The following RIMS3 variants were observed in gnomAD, a reference collection of about 807,000 sequenced individuals.
The protein encoded by RIMS3 is regulating synaptic membrane exocytosis protein 3.
In RIMS3, 15 loss-of-function variants were observed where a neutral mutation model predicts 29.2. The ratio of observed to expected loss-of-function variants is 0.51; its 90% CI spans 0.34 to 0.79. RIMS3 has a LOEUF of 0.79. Among genes scored for constraint, RIMS3 ranks in the 30% least tolerant of loss-of-function variants. RIMS3 has a pLI of 0.01. For missense variants in RIMS3, 342 were observed against 421.4 expected (o/e 0.81, Z 1.65); for synonymous variants, 161 against 170.1 (o/e 0.95, Z 0.41).
At chr1:40,685,312 ATATAATTAT>A in the RIMS3 span, among the ~76,000 whole-genome samples, 1 of 17,852 alleles carries the variant, frequency 5.6e-5, no homozygotes, top group African/African-American at 3.4e-4. Flanking sequence ...ATATTAATAT[ATATAATTAT>A]TAATATATAA....
In RIMS3 at chr1:40,636,557, T is replaced by C. The variant is rs1260437425; in HGVS notation, c.218-500A>G. Among the ~76,000 whole-genome samples, 3 of 152,250 alleles carry C rather than the reference T, an allele frequency of 2.0e-5. No individual in the cohort carries two copies. In the East Asian group the frequency reaches 5.8e-4, roughly 29 times the overall value. On this transcript the variant is annotated intron_variant, in intron 3 of 7. Transcript: ENST00000372684. The surrounding 1 kb of genome is among the most constrained non-coding windows in gnomAD (Gnocchi z 4.2). The stretch of plus-strand genomic sequence containing the variant: ...ACCTCTGATACCTCTGGAGGCTCTA[T>C]AGGAAAGCCCCCATGGGAAGCCTGG...
intron 1 of RIMS3, among the ~76,000 whole-genome samples, chr1:40,663,739 CAGTG>C (rs1642385477): frequency 6.6e-6 from 1 of 152,190 alleles, no homozygotes; most frequent in Admixed American, 6.5e-5. Context: ...ATAGTTAAGA[CAGTG>C]ACACAGACCA....
At chr1:40,685,351 TA>T in the RIMS3 span, among the ~76,000 whole-genome samples, 5 of 43,298 alleles carry the variant, frequency 1.2e-4, no homozygotes, top group South Asian at 8.2e-4. Context: ...ATTATATATA[TA>T]TTATATAATA....
chr1:40,667,388 G>T (rs1035118085), upstream of RIMS3, among the ~76,000 whole-genome samples: 2 of 152,154 alleles, frequency 1.3e-5, no homozygotes, highest in East Asian at 1.9e-4. Context: ...CCTGGAACGA[G>T]GGTGGAGGTG....
At position 40,626,461 on chromosome 1, in the gene RIMS3, A is replaced by G. The variant is rs1053912770; in HGVS notation, c.*56T>C. 2.8e-6 allele frequency: 4 copies of G among 1,451,274 alleles called. No individual in the cohort carries two copies. The highest frequency in any genetic ancestry group is 3.8e-6 in the Non-Finnish European group (4 of 1,055,194). The allele number at this position is 1,451,274 out of a possible 1,614,324, so 89.9% of individuals were successfully genotyped here. ...ACGAAGACTATGTACAGGGGAGGAC[A>G]TGGGGCCAGCAGGCACCCCTCCCCA... On this transcript the variant is annotated 3_prime_UTR_variant, in exon 8 of 8. Transcript: ENST00000372684.
At chr1:40,633,905 G>A (rs1436098065) in intron 4 of RIMS3, among the ~76,000 whole-genome samples, 1 of 152,206 alleles carries the variant, frequency 6.6e-6, no homozygotes, top group Non-Finnish European at 1.5e-5. Flanking sequence ...TGCCTTGCCT[G>A]CAAAACAAAA....
At chr1:40,678,406 TCAAA>T in the RIMS3 span, among the ~76,000 whole-genome samples, 4 of 152,154 alleles carry the variant, frequency 2.6e-5, no homozygotes, top group African/African-American at 4.8e-5. Context: ...AGACTCCATC[TCAAA>T]CAAACAAACA....
Position 40,654,010 on chromosome 1 carries a change from C to T in RIMS3, c.-206-6168G>A, listed in dbSNP as rs1396939217. ...GGCTCATCCTGAGAGGCAGGGGCCC[C>T]AACAAAGGGTGTTGGTGGATGGGAC... On this transcript the variant is annotated intron_variant, in intron 1 of 7. Transcript: ENST00000372684. This position sits in a 1 kb window ranked among gnomAD's most constrained non-coding sequence, Gnocchi z 5.3. Among the ~76,000 whole-genome samples the T allele has an allele frequency of 2.0e-5, 3 of 152,092 alleles. No homozygotes were observed. In the East Asian group the frequency reaches 5.8e-4, roughly 29 times the overall value.
At chr1:40,643,922 G>A (rs770304399) in intron 2 of RIMS3, among the ~76,000 whole-genome samples, 9 of 152,158 alleles carry the variant, frequency 5.9e-5, no homozygotes, top group Non-Finnish European at 1.2e-4. Context: ...CAGAGGGCTG[G>A]TTTTGTCCAG....
chr1:40,676,568 C>T, the RIMS3 span, among the ~76,000 whole-genome samples: 2 of 152,146 alleles, frequency 1.3e-5, no homozygotes, highest in Non-Finnish European at 2.9e-5. Flanking sequence ...GAATGCCCTA[C>T]GTACCCCCTT....
the RIMS3 span, among the ~76,000 whole-genome samples, chr1:40,678,755 T>C: frequency 6.6e-6 from 1 of 152,326 alleles, no homozygotes; most frequent in African/African-American, 2.4e-5. Context: ...GCAGCTCTTA[T>C]GGTACCACCC....
At chr1:40,655,229 A>C (rs1046797402) in intron 1 of RIMS3, among the ~76,000 whole-genome samples, 1 of 152,188 alleles carries the variant, frequency 6.6e-6, no homozygotes, top group East Asian at 1.9e-4. Context: ...GCTCTGGGAC[A>C]TGAAGCCCCA....
At chr1:40,647,168 C>T (rs1265335130) in intron 2 of RIMS3, among the ~76,000 whole-genome samples, 2 of 152,100 alleles carry the variant, frequency 1.3e-5, no homozygotes, top group African/African-American at 2.4e-5. Flanking sequence ...TGTGAGCTAC[C>T]GCGCCCGGCC....
At chr1:40,631,545 G>A (rs751903438) in intron 5 of RIMS3, among the ~76,000 whole-genome samples, 10 of 152,078 alleles carry the variant, frequency 6.6e-5, no homozygotes, top group South Asian at 2.1e-4. Context: ...CATGTGTGGC[G>A]GTGTGCGCCT....
rs538363832 is a variant in RIMS3 at position 40,635,230 on chromosome 1, A to G, written c.359+686T>C. On this transcript the variant is annotated intron_variant, in intron 4 of 7. Transcript: ENST00000372684. The surrounding 1 kb of genome is among the most constrained non-coding windows in gnomAD (Gnocchi z 4.1). ...TACAACTATAATTTCATAGACTTAG[A>G]AGAGATCTGTGGGAATATCTAAACC... Among the ~76,000 whole-genome samples, 1 of 152,232 alleles carries G rather than the reference A, an allele frequency of 6.6e-6. No homozygotes were observed. Among genetic ancestry groups the G allele is most frequent in the Non-Finnish European group, 1.5e-5 (1 of 68,038 alleles).
At chr1:40,674,108 T>G in the RIMS3 span, among the ~76,000 whole-genome samples, 1 of 152,244 alleles carries the variant, frequency 6.6e-6, no homozygotes, top group African/African-American at 2.4e-5. Flanking sequence ...GCTCATGTTT[T>G]CTAATTATTT....
chr1:40,677,474 G>A, the RIMS3 span, among the ~76,000 whole-genome samples: 247 of 151,406 alleles, frequency 1.6e-3, no homozygotes, highest in Non-Finnish European at 2.6e-3. Context: ...CAAGGCAGGC[G>A]GATCACGAGG....
Position 40,656,865 on chromosome 1 carries a change from G to C in RIMS3, c.-207+8529C>G, listed in dbSNP as rs980445471. Among the ~76,000 whole-genome samples the C allele has an allele frequency of 2.0e-5, 3 of 151,704 alleles. No individual in the cohort carries two copies. The East Asian group carries it at 5.8e-4, about 29-fold the overall frequency. ...ACAATCTTGGACTTGATATCGTTGAGAGGGAACCAACTTTCTCACTACGTG... is the reference window on the plus strand; with the variant it reads ...ACAATCTTGGACTTGATATCGTTGACAGGGAACCAACTTTCTCACTACGTG... On this transcript the variant is annotated intron_variant, in intron 1 of 7. Coordinates refer to ENST00000372684, the MANE Select transcript of RIMS3 (RefSeq NM_014747.3).
chr1:40,685,582 T>C, the RIMS3 span, among the ~76,000 whole-genome samples: 1 of 151,046 alleles, frequency 6.6e-6, no homozygotes, highest in Non-Finnish European at 1.5e-5. Flanking sequence ...ATCGGAAGAG[T>C]ATCACTTATC....
Sources: allele counts gnomAD v4.1 joint callset (sites outside exome capture counted in the v4.1 genomes callset), GRCh38; gene constraint gnomAD v4.1.1; non-coding constraint Gnocchi (gnomAD v3.1); transcripts MANE v1.5; gene names NCBI Gene and HGNC (gene_info 2026-07-23, HGNC 2026-07-21).